Variants in COX7B2 observed in about 807,000 individuals in gnomAD.
COX7B2 encodes the protein cytochrome c oxidase subunit 7B2, mitochondrial.
For missense variants in COX7B2, 109 were observed against 95.9 expected, an observed-to-expected ratio of 1.14 and a Z score of -0.57; for synonymous variants, 37 against 32.1, an observed-to-expected ratio of 1.15 and a Z score of -0.51.
intron 1 of COX7B2, among the ~76,000 whole-genome samples, chr4:46,864,923 C>T (rs989220040): frequency 3.3e-5 from 5 of 152,108 alleles, no homozygotes; most frequent in South Asian, 2.1e-4. Flanking sequence ...GGGTTACAGG[C>T]GTAAGGCACC....
At chr4:46,818,332 A>T (rs1370795843) in intron 2 of COX7B2, among the ~76,000 whole-genome samples, 1 of 152,172 alleles carries the variant, frequency 6.6e-6, no homozygotes, top group Non-Finnish European at 1.5e-5. Flanking sequence ...ATACATGAAC[A>T]TAGAAAACAG....
At chr4:46,880,773 C>T (rs1423736530) in intron 1 of COX7B2, among the ~76,000 whole-genome samples, 2 of 138,304 alleles carry the variant, frequency 1.4e-5, no homozygotes, top group African/African-American at 5.4e-5. Context: ...TATTCTCACT[C>T]ATAGGTGGGA....
At chr4:46,836,934 G>C (rs529040210) in intron 2 of COX7B2, among the ~76,000 whole-genome samples, 1 of 152,016 alleles carries the variant, frequency 6.6e-6, no homozygotes. Context: ...TTGAAACATC[G>C]TTATGCGGCA....
intron 2 of COX7B2, among the ~76,000 whole-genome samples, chr4:46,773,275 A>G (rs1210780047): frequency 6.6e-6 from 1 of 152,110 alleles, no homozygotes; most frequent in Non-Finnish European, 1.5e-5. Context: ...GATGGGAGGT[A>G]ACTGAATCAT....
intron 2 of COX7B2, among the ~76,000 whole-genome samples, chr4:46,828,191 A>G (rs533198854): frequency 6.6e-6 from 1 of 152,344 alleles, no homozygotes; most frequent in African/African-American, 2.4e-5. Context: ...TCAAAGAAAG[A>G]TTAAAGACAG....
Position 46,836,879 on chromosome 4 carries a change from C to G in COX7B2, c.-50+8081G>C, listed in dbSNP as rs917612863. Among the ~76,000 whole-genome samples, 3 of 152,070 alleles carry G rather than the reference C, an allele frequency of 2.0e-5. No individual in the cohort carries two copies. In the East Asian group the frequency reaches 5.8e-4, roughly 29 times the overall value. On this transcript the variant is annotated intron_variant, in intron 2 of 2. Coordinates refer to ENST00000355591, the MANE Select transcript of COX7B2 (RefSeq NM_130902.3). ...AGGCAATAGGTATTTTTCAGATCCA[C>G]TATAAACTCATGCGATCACTGTCAC...
intron 1 of COX7B2, among the ~76,000 whole-genome samples, chr4:46,897,312 G>T (rs1411247718): frequency 6.6e-6 from 1 of 152,036 alleles, no homozygotes; most frequent in Non-Finnish European, 1.5e-5. Context: ...AAAATGAATC[G>T]ATATCTCTCC....
At chr4:46,817,384 CA>C (rs1470470636) in intron 2 of COX7B2, among the ~76,000 whole-genome samples, 1 of 152,122 alleles carries the variant, frequency 6.6e-6, no homozygotes, top group African/African-American at 2.4e-5. Flanking sequence ...AATGTAGCTA[CA>C]AGGTCAATAG....
At chr4:46,888,893 T>G (rs558596804) in intron 1 of COX7B2, among the ~76,000 whole-genome samples, 1 of 152,332 alleles carries the variant, frequency 6.6e-6, no homozygotes, top group South Asian at 2.1e-4. Context: ...CAGATATCTT[T>G]AAGTGAGCAG....
At chr4:46,831,121 C>T (rs910759306) in intron 2 of COX7B2, among the ~76,000 whole-genome samples, 1 of 152,134 alleles carries the variant, frequency 6.6e-6, no homozygotes, top group African/African-American at 2.4e-5. Context: ...CTTGGTGGGC[C>T]CCGCATTGGG....
chr4:46,803,281 C>T (rs1718761449), intron 2 of COX7B2, among the ~76,000 whole-genome samples: 1 of 152,002 alleles, frequency 6.6e-6, no homozygotes, highest in South Asian at 2.1e-4. Context: ...CCTTATCCTC[C>T]CAGAAAAAGA....
chr4:46,759,642 T>C (rs971974607), intron 2 of COX7B2, among the ~76,000 whole-genome samples: 11 of 151,724 alleles, frequency 7.3e-5, no homozygotes, highest in African/African-American at 2.7e-4. Flanking sequence ...AAAACCACAA[T>C]GAGATACCAT....
intron 2 of COX7B2, among the ~76,000 whole-genome samples, chr4:46,741,737 C>T (rs1476239809): frequency 6.6e-6 from 1 of 152,020 alleles, no homozygotes; most frequent in Non-Finnish European, 1.5e-5. Context: ...AAAAGTTGAA[C>T]TAATTTAGTT....
chr4:46,746,681 G>A (rs1383384546), intron 2 of COX7B2, among the ~76,000 whole-genome samples: 2 of 152,126 alleles, frequency 1.3e-5, no homozygotes, highest in Admixed American at 6.5e-5. Context: ...CTAAGGCTGG[G>A]GCAAATCTAC....
At chr4:46,797,286 C>T (rs945720528) in intron 2 of COX7B2, among the ~76,000 whole-genome samples, 15 of 151,844 alleles carry the variant, frequency 9.9e-5, no homozygotes, top group African/African-American at 3.1e-4. Context: ...ACTACTGGAC[C>T]CTGGCTCTGA....
chr4:46,780,461 G>A (rs753300831), intron 2 of COX7B2, among the ~76,000 whole-genome samples: 58 of 152,174 alleles, frequency 3.8e-4, no homozygotes, highest in Non-Finnish European at 6.8e-4. Flanking sequence ...AGCTTGCAGT[G>A]AGCCAAGATC....
At chr4:46,830,482 T>C (rs1422529165) in intron 2 of COX7B2, among the ~76,000 whole-genome samples, 1 of 152,116 alleles carries the variant, frequency 6.6e-6, no homozygotes, top group Non-Finnish European at 1.5e-5. Context: ...GTATTTGGCA[T>C]ATAATAATAT....
intron 2 of COX7B2, among the ~76,000 whole-genome samples, chr4:46,757,777 G>A (rs1715889935): frequency 2.0e-5 from 3 of 152,022 alleles, no homozygotes; most frequent in South Asian, 2.1e-4. Flanking sequence ...GCTCAGGTGT[G>A]CAATAAATAT....
At chr4:46,797,300 G>T (rs1386434821) in intron 2 of COX7B2, among the ~76,000 whole-genome samples, 6 of 152,118 alleles carry the variant, frequency 3.9e-5, no homozygotes, top group African/African-American at 1.4e-4. Context: ...GCTCTGAACT[G>T]ACGCAAATTC....
Sources: gnomAD v4.1 joint callset for allele counts (sites outside exome capture counted in the v4.1 genomes callset) on GRCh38, gnomAD v4.1.1 for gene constraint, MANE v1.5 for transcripts, NCBI Gene and HGNC (gene_info 2026-07-23, HGNC 2026-07-21) for gene names.